Variants in TMEM255A observed in about 807,000 individuals in gnomAD.
TMEM255A encodes the protein family with sequence similarity 70, member A.
Under a neutral mutation model 23.5 loss-of-function variants are expected in TMEM255A, and 14 were observed. The observed-to-expected ratio is 0.60, with a 90% confidence interval of 0.39 to 0.93. The LOEUF (loss-of-function observed/expected upper bound fraction) is 0.93, where lower values mean the gene tolerates loss of function less well. Ranked by LOEUF, TMEM255A falls within the 40% of genes least tolerant of loss-of-function variation. The pLI, the probability that TMEM255A is intolerant of heterozygous loss-of-function variation, is 0.00. For synonymous variants in TMEM255A, 104 were observed against 100.3 expected, an observed-to-expected ratio of 1.04 and a Z score of -0.22; for missense variants, 233 against 261.7, an observed-to-expected ratio of 0.89 and a Z score of 0.76.
At position 120,274,014 on chromosome X, in the gene TMEM255A, T is replaced by A. The variant is rs1223989605; in HGVS notation, c.675+2871A>T. Among the ~76,000 whole-genome samples the A allele has an allele frequency of 3.6e-5, 4 of 111,754 alleles. No individual in the cohort carries two copies. In the East Asian group the frequency reaches 1.1e-3, roughly 31 times the overall value. On this transcript the variant is annotated intron_variant, in intron 7 of 8. Coordinates refer to ENST00000371369, the MANE Select transcript of TMEM255A (RefSeq NM_001104544.3). ...AACATGAAAACAACCCAAATGTATATCAATGGATAAAAAACTAAACAAAAC... is the reference window on the plus strand; with the variant it reads ...AACATGAAAACAACCCAAATGTATAACAATGGATAAAAAACTAAACAAAAC...
At chrX:120,268,162 C>T in intron 8 of TMEM255A, 82 bp downstream of exon 8, 1 of 1,034,934 alleles carries the variant, frequency 9.7e-7, no homozygotes, top group Non-Finnish European at 1.3e-6. Context: ...GGAAAGGTTC[C>T]ATAATTGAAT....
intron 6 of TMEM255A, among the ~76,000 whole-genome samples, chrX:120,284,057 A>C (rs1364667080): frequency 9.0e-6 from 1 of 111,255 alleles, no homozygotes; most frequent in East Asian, 2.8e-4. Flanking sequence ...TTATTCTGTA[A>C]GTCTCAGCTC....
At chrX:120,282,085 G>A (rs908010335) in intron 6 of TMEM255A, among the ~76,000 whole-genome samples, 3 of 111,402 alleles carry the variant, frequency 2.7e-5, no homozygotes, top group Non-Finnish European at 5.7e-5. Flanking sequence ...TAGGCTTCGT[G>A]TGAGGAAAAC....
At chrX:120,302,297 T>C (rs2058037923) in intron 2 of TMEM255A, among the ~76,000 whole-genome samples, 1 of 110,740 alleles carries the variant, frequency 9.0e-6, no homozygotes, top group African/African-American at 3.3e-5. Context: ...TGAATAGGAG[T>C]TCATACTCTT....
chrX:120,299,260 A>G (rs1377194432), intron 2 of TMEM255A, among the ~76,000 whole-genome samples: 1 of 111,120 alleles, frequency 9.0e-6, no homozygotes, highest in African/African-American at 3.3e-5. Flanking sequence ...CCTCCTGCCT[A>G]AGCTTCCTGA....
intron 7 of TMEM255A, among the ~76,000 whole-genome samples, chrX:120,272,570 A>G (rs1243356625): frequency 9.1e-6 from 1 of 110,291 alleles, no homozygotes; most frequent in Non-Finnish European, 1.9e-5. Flanking sequence ...TGATGCTTTT[A>G]TAAGGGGCTC....
chrX:120,304,997 A>G (rs1556026768), intron 1 of TMEM255A, among the ~76,000 whole-genome samples: 1 of 111,377 alleles, frequency 9.0e-6, no homozygotes. Context: ...TTTTTTTTTC[A>G]TTTATTTCTG....
Position 120,285,220 on chromosome X carries a change from C to T in TMEM255A, c.424-5G>A, listed in dbSNP as rs782412449. ...GCTGAGGTGAGGGCAGTTAACCTGACGGTATATAACAGTGAGGAGATGAGC... is the reference window on the plus strand; with the variant it reads ...GCTGAGGTGAGGGCAGTTAACCTGATGGTATATAACAGTGAGGAGATGAGC... On this transcript the variant is annotated splice_region_variant and splice_polypyrimidine_tract_variant and intron_variant, in intron 5 of 8. Coordinates refer to ENST00000371369, the MANE Select transcript of TMEM255A (RefSeq NM_001104544.3). 4.3e-5 allele frequency: 52 copies of T among 1,196,350 alleles called. No homozygotes were observed. Among genetic ancestry groups the T allele is most frequent in the South Asian group, 2.3e-4 (13 of 56,473 alleles).
intron 1 of TMEM255A, among the ~76,000 whole-genome samples, chrX:120,304,911 A>C (rs183174470): frequency 8.9e-6 from 1 of 112,073 alleles, no homozygotes; most frequent in East Asian, 2.8e-4. Flanking sequence ...TCCAACTAAA[A>C]AGATTTTTTT....
chrX:120,278,158 C>T (rs2057813458), intron 6 of TMEM255A, among the ~76,000 whole-genome samples: 1 of 82,151 alleles, frequency 1.2e-5, no homozygotes, highest in Admixed American at 1.5e-4. Flanking sequence ...CTTTCGTTCT[C>T]TCCCTCCCTA....
intron 7 of TMEM255A, among the ~76,000 whole-genome samples, chrX:120,272,804 C>T (rs958566993): frequency 5.8e-5 from 6 of 104,136 alleles, no homozygotes; most frequent in African/African-American, 1.4e-4. Flanking sequence ...TGCAATGGCA[C>T]GATCTCGGCT....
At chrX:120,311,182 G>A (rs1331231475) in intron 1 of TMEM255A, 70 bp downstream of exon 1, 12 of 977,759 alleles carry the variant, frequency 1.2e-5, no homozygotes, top group African/African-American at 3.9e-5. Context: ...CAGCTGGGGC[G>A]TTCACAGTCC....
rs1192296015 is a variant in TMEM255A, at chrX:120,294,048, C to T, written c.205G>A (p.Gly69Ser). The T allele has an allele frequency of 9.3e-6, 11 of 1,182,307 alleles. No homozygotes were observed. Among genetic ancestry groups the T allele is most frequent in the Non-Finnish European group, 1.3e-5 (11 of 874,184 alleles). ...ATGATTCCAAGGAACGATCCAAAGC[C>T]GAGCTGCAAAGCAATATGGCATACA... ...VGGYYPGVIL[G>S]FGSFLGIIGS... The change falls in exon 3 of 9, where the codon GGC (glycine) becomes AGC (serine). Residue 69 changes from glycine to serine, a missense_variant. Coordinates refer to ENST00000371369, the MANE Select transcript of TMEM255A (RefSeq NM_001104544.3).
downstream of TMEM255A, chrX:120,254,030 G>A: frequency 1.7e-6 from 2 of 1,210,068 alleles, no homozygotes; most frequent in African/African-American, 1.7e-5. Context: ...TGCCCACAAA[G>A]GAGACTTTGC....
chrX:120,276,642 A>AC (rs1176801693), intron 7 of TMEM255A, among the ~76,000 whole-genome samples: 3 of 110,986 alleles, frequency 2.7e-5, no homozygotes, highest in Admixed American at 9.5e-5. Context: ...TCCTCCTTTC[A>AC]CCCCCCACCC....
the TMEM255A span, chrX:120,253,531 A>G: frequency 8.3e-7 from 1 of 1,211,730 alleles, no homozygotes; most frequent in South Asian, 1.8e-5. Context: ...GTTATTGTGG[A>G]AGACCGAAAA....
At chrX:120,254,214 TTGTTG>T (rs2057620928), downstream of TMEM255A, 1 of 1,210,181 alleles carries the variant, frequency 8.3e-7, no homozygotes, top group South Asian at 1.8e-5. Flanking sequence ...AAGTGAAAAA[TTGTTG>T]GTATCTTCAG....
Position 120,277,038 on chromosome X carries a change from C to A in TMEM255A, c.522G>T (p.Glu174Asp), listed in dbSNP as rs1556019984. 2 of 1,207,920 alleles carry A rather than the reference C, an allele frequency of 1.7e-6. No individual in the cohort carries two copies. The highest frequency in any genetic ancestry group is 4.4e-5 in the Admixed American group (2 of 45,900). ...CDLYNCGNRV[E>D]ITGGYYEYID... is the part of the protein sequence containing the mutation. The stretch of plus-strand genomic sequence containing the variant: ...TGTATTCGTAGTACCCACCAGTGAT[C>A]TCCACCCGGCTGGACAGGGAGGAGC... The change falls in exon 7 of 9, where the codon GAG (glutamate) becomes GAT (aspartate). Residue 174 changes from glutamate (E) to aspartate (D), a missense_variant. By Grantham distance (45) the Glu-to-Asp change is conservative. Coordinates refer to ENST00000371369, the MANE Select transcript of TMEM255A (RefSeq NM_001104544.3).
At chrX:120,278,248 G>T (rs1473504746) in intron 6 of TMEM255A, among the ~76,000 whole-genome samples, 1 of 109,780 alleles carries the variant, frequency 9.1e-6, no homozygotes, top group African/African-American at 3.3e-5. Flanking sequence ...ACCAGAGCTC[G>T]ACCATGTTGG....
Sources: gnomAD v4.1 joint callset for allele counts (sites outside exome capture counted in the v4.1 genomes callset) on GRCh38, gnomAD v4.1.1 for gene constraint, MANE v1.5 for transcripts, NCBI Gene and HGNC (gene_info 2026-07-23, HGNC 2026-07-21) for gene names.